Variants in RIN2 observed in about 807,000 individuals in gnomAD.
RIN2 encodes RAB5 interacting protein 2.
A neutral mutation model predicts 78.0 loss-of-function variants in RIN2; 36 were observed. The observed-to-expected ratio is 0.46, with a 90% CI of 0.35 to 0.61. The LOEUF (loss-of-function observed/expected upper bound fraction) is 0.61. RIN2 is among the 20% of genes least tolerant of loss of function. The pLI, the probability that RIN2 is intolerant of heterozygous loss-of-function variation, is 0.00. For synonymous variants in RIN2, 466 were observed against 466.8 expected (o/e 1.00, Z 0.02); for missense variants, 1,087 against 1,159.7 (o/e 0.94, Z 0.91).
intron 2 of RIN2, chr20:19,886,594 C>G: frequency 2.6e-6 from 2 of 777,034 alleles, no homozygotes; most frequent in Non-Finnish European, 4.1e-6. Context: ...TGAGGGCTGC[C>G]TTCTTCTTCT....
At position 19,782,532 on chromosome 20, in the gene RIN2, G is replaced by T. The variant is rs375480173; in HGVS notation, c.-162-17090G>T. Among the ~76,000 whole-genome samples, 10 of 151,476 alleles carry T rather than the reference G, an allele frequency of 6.6e-5. No individual in the cohort carries two copies. The East Asian group carries it at 1.9e-3, about 30-fold the overall frequency. Reference sequence around the variant, plus strand: ...GTGAGTTGAGATGGACTCCAGCCTGGGCGACAGAGCGAGACTCTGTCTTAA... The same window carrying T: ...GTGAGTTGAGATGGACTCCAGCCTGTGCGACAGAGCGAGACTCTGTCTTAA... On this transcript the variant is annotated intron_variant, in intron 1 of 12. Transcript: ENST00000255006.
chr20:19,847,930 T>C (rs1159978695), intron 2 of RIN2, among the ~76,000 whole-genome samples: 1 of 152,184 alleles, frequency 6.6e-6, no homozygotes, highest in African/African-American at 2.4e-5. Context: ...ATATGGTCCT[T>C]GTTGCAAACA....
At chr20:19,883,870 G>A (rs1226752901) in intron 2 of RIN2, among the ~76,000 whole-genome samples, 3 of 134,134 alleles carry the variant, frequency 2.2e-5, no homozygotes, top group African/African-American at 2.9e-5. Flanking sequence ...TTTAACCACC[G>A]CACCTCACAC....
At position 19,922,162 on chromosome 20, in the gene RIN2, C is replaced by T. The variant is rs189947764; in HGVS notation, c.58-12937C>T. Among the ~76,000 whole-genome samples the T allele has an allele frequency of 6.9e-4, 105 of 152,178 alleles. 1 individual carries two copies. Among genetic ancestry groups the T allele is most frequent in the South Asian group, 4.1e-4 (2 of 4,824 alleles). On this transcript the variant is annotated intron_variant, in intron 3 of 12. Transcript: ENST00000255006. ...ATTACAGGCGTGAGCCACTGCTCCCCGCCTGGGTCCGTCTTAAAGGGAGCT... is the reference window on the plus strand; with the variant it reads ...ATTACAGGCGTGAGCCACTGCTCCCTGCCTGGGTCCGTCTTAAAGGGAGCT...
intron 2 of RIN2, among the ~76,000 whole-genome samples, chr20:19,845,440 A>G (rs2036749491): frequency 6.6e-6 from 1 of 152,074 alleles, no homozygotes; most frequent in South Asian, 2.1e-4. Context: ...CTGGTGTGAG[A>G]TGGTATCTCA....
At chr20:19,851,066 A>C (rs1341479527) in intron 2 of RIN2, among the ~76,000 whole-genome samples, 1 of 149,380 alleles carries the variant, frequency 6.7e-6, no homozygotes, top group African/African-American at 2.5e-5. Flanking sequence ...GAAAGGAAGG[A>C]AGGAAGGAAG....
intron 2 of RIN2, among the ~76,000 whole-genome samples, chr20:19,875,704 G>A (rs1367480642): frequency 6.6e-6 from 1 of 152,098 alleles, no homozygotes; most frequent in Non-Finnish European, 1.5e-5. Flanking sequence ...AGGATGGAAT[G>A]AAACAGACAC....
At chr20:19,808,200 G>A (rs2122770267) in intron 2 of RIN2, among the ~76,000 whole-genome samples, 1 of 152,356 alleles carries the variant, frequency 6.6e-6, no homozygotes, top group East Asian at 1.9e-4. Flanking sequence ...GTGCCGTTAA[G>A]ATGCCTGCAT....
intron 3 of RIN2, among the ~76,000 whole-genome samples, chr20:19,923,580 C>A (rs1397252758): frequency 1.3e-5 from 2 of 151,914 alleles, no homozygotes; most frequent in Non-Finnish European, 2.9e-5. Context: ...GAGTTTGAGA[C>A]CAGCTTGGGC....
intron 2 of RIN2, among the ~76,000 whole-genome samples, chr20:19,844,674 T>C (rs1346095307): frequency 1.4e-3 from 95 of 67,054 alleles, no homozygotes; most frequent in African/African-American, 5.7e-3. Flanking sequence ...TTCTTCCTTC[T>C]TCTTCTTCTT....
In RIN2 at chr20:19,895,361, C is replaced by T. The variant is rs112144031; in HGVS notation, c.57+5703C>T. On this transcript the variant is annotated intron_variant, in intron 3 of 12. Transcript: ENST00000255006. ...CAGAAGAGAACCAGGGTGAATTGTC[C>T]GGTCGACAGTTCTAATTTCTTACCG... 9.3e-3 allele frequency among the ~76,000 whole-genome samples: 1,417 copies of T among 152,210 alleles called. 11 individuals are homozygous for T. The highest frequency in any genetic ancestry group is 0.031 in the South Asian group (147 of 4,812).
intron 1 of RIN2, among the ~76,000 whole-genome samples, chr20:19,784,847 G>A (rs1484699640): frequency 1.3e-5 from 2 of 152,142 alleles, no homozygotes; most frequent in Non-Finnish European, 2.9e-5. Context: ...ACCAGACAGT[G>A]TGAGACTGGA....
At chr20:19,865,525 TA>T (rs11475606) in intron 2 of RIN2, among the ~76,000 whole-genome samples, 82,392 of 146,690 alleles carry the variant, frequency 0.56, 24,226 homozygotes, top group African/African-American at 0.69. Context: ...CTTGCTCTGT[TA>T]ACCCAGGCTA....
chr20:19,870,259 T>C (rs1438577345), intron 2 of RIN2, among the ~76,000 whole-genome samples: 2 of 152,230 alleles, frequency 1.3e-5, no homozygotes, highest in Non-Finnish European at 2.9e-5. Context: ...TTCCCAATAA[T>C]GTCCTGTATA....
At chr20:19,918,628 A>C (rs2039782464) in intron 3 of RIN2, among the ~76,000 whole-genome samples, 1 of 152,162 alleles carries the variant, frequency 6.6e-6, no homozygotes, top group Non-Finnish European at 1.5e-5. Context: ...GGTACAACCC[A>C]ATACAAACCT....
At chr20:19,766,039 C>T (rs1328576835) in intron 1 of RIN2, among the ~76,000 whole-genome samples, 1 of 152,088 alleles carries the variant, frequency 6.6e-6, no homozygotes, top group African/African-American at 2.4e-5. Flanking sequence ...CTTCTTATCC[C>T]CTCAGTCCTG....
chr20:19,944,140 C>G (rs1233503279), intron 4 of RIN2, among the ~76,000 whole-genome samples: 1 of 151,912 alleles, frequency 6.6e-6, no homozygotes, highest in East Asian at 1.9e-4. Context: ...TTTGTTTGCT[C>G]TGTGTGTGTG....
chr20:19,801,045 C>T (rs141139914), intron 2 of RIN2, among the ~76,000 whole-genome samples: 358 of 152,254 alleles, frequency 2.4e-3, no homozygotes, highest in African/African-American at 8.3e-3. Context: ...GAAAGCAAAC[C>T]CTTGCAGAGT....
intron 1 of RIN2, among the ~76,000 whole-genome samples, chr20:19,796,193 T>C (rs1161464049): frequency 1.3e-5 from 2 of 152,246 alleles, no homozygotes; most frequent in African/African-American, 2.4e-5. Context: ...TTCTGTTTTG[T>C]AAAATGAAGG....
Sources: allele counts gnomAD v4.1 joint callset (sites outside exome capture counted in the v4.1 genomes callset), GRCh38; gene constraint gnomAD v4.1.1; transcripts MANE v1.5; gene names NCBI Gene and HGNC (gene_info 2026-07-23, HGNC 2026-07-21).